PTPRG: variants seen among roughly 807,000 people sequenced by gnomAD.
PTPRG encodes protein tyrosine phosphatase receptor type G.
A neutral mutation model predicts 165.3 loss-of-function variants in PTPRG; 102 were observed. The ratio of observed to expected loss-of-function variants is 0.62; its 90% CI spans 0.53 to 0.73. The LOEUF (loss-of-function observed/expected upper bound fraction) is 0.73. PTPRG is among the 30% of genes least tolerant of loss of function. The probability of loss-of-function intolerance (pLI) is 0.00; values close to 1 mark genes in which losing one functional copy is unlikely to be tolerated. For missense variants in PTPRG, 1,866 were observed against 1,861.4 expected, an observed-to-expected ratio of 1.00 and a Z score of -0.05; for synonymous variants, 675 against 669.5, an observed-to-expected ratio of 1.01 and a Z score of -0.13.
chr3:61,892,440 C>G (rs535492585), intron 2 of PTPRG, among the ~76,000 whole-genome samples: 18 of 152,270 alleles, frequency 1.2e-4, no homozygotes, highest in Admixed American at 7.2e-4. Context: ...ATCTCAAACT[C>G]CTTGGCTCAA....
intron 5 of PTPRG, among the ~76,000 whole-genome samples, chr3:62,090,711 G>C (rs1277790414): frequency 6.6e-6 from 1 of 152,196 alleles, no homozygotes; most frequent in Admixed American, 6.5e-5. Context: ...CAGCGCCTCT[G>C]ATAATTCTGC....
chr3:61,588,583 C>T (rs1433420126), intron 1 of PTPRG, among the ~76,000 whole-genome samples: 1 of 151,832 alleles, frequency 6.6e-6, no homozygotes, highest in East Asian at 1.9e-4. Flanking sequence ...GCAGCTGGGA[C>T]TACAGGCCTG....
chr3:61,827,216 C>T (rs548474384), intron 2 of PTPRG, among the ~76,000 whole-genome samples: 1 of 152,304 alleles, frequency 6.6e-6, no homozygotes, highest in African/African-American at 2.4e-5. Context: ...GCATTTGCAG[C>T]ATGAGCAAGA....
Position 61,853,428 on chromosome 3 carries a change from C to T in PTPRG, c.190+104446C>T, listed in dbSNP as rs777428086. ...GATTGTTTCCTTTGGAACAAGCTCACTCCAATATCATTAGAACGCTGGGGA... is the reference window on the plus strand; with the variant it reads ...GATTGTTTCCTTTGGAACAAGCTCATTCCAATATCATTAGAACGCTGGGGA... On this transcript the variant is annotated intron_variant, in intron 2 of 29. Coordinates refer to ENST00000474889, the MANE Select transcript of PTPRG (RefSeq NM_002841.4). Among the ~76,000 whole-genome samples, 22 of 152,208 alleles carry T rather than the reference C, an allele frequency of 1.4e-4. 1 individual carries two copies. The highest frequency in any genetic ancestry group is 1.5e-5 in the Non-Finnish European group (1 of 68,038).
chr3:61,885,599 A>ATGTT (rs2038005816), intron 2 of PTPRG, among the ~76,000 whole-genome samples: 1 of 146,032 alleles, frequency 6.8e-6, no homozygotes, highest in Admixed American at 7.0e-5. Context: ...GCTATATTGG[A>ATGTT]CAACACAGTT....
At chr3:61,627,505 G>A (rs1307574923) in intron 1 of PTPRG, among the ~76,000 whole-genome samples, 2 of 152,024 alleles carry the variant, frequency 1.3e-5, no homozygotes, top group Non-Finnish European at 2.9e-5. Flanking sequence ...AGTATTTGTG[G>A]GGTAATGAAT....
At chr3:61,793,905 G>C (rs2034967724) in intron 2 of PTPRG, among the ~76,000 whole-genome samples, 1 of 152,112 alleles carries the variant, frequency 6.6e-6, no homozygotes, top group Non-Finnish European at 1.5e-5. Context: ...ACATCTTTTT[G>C]ATTATTAAAT....
intron 5 of PTPRG, among the ~76,000 whole-genome samples, chr3:62,130,962 T>G (rs1170347226): frequency 6.6e-6 from 1 of 152,160 alleles, no homozygotes; most frequent in Non-Finnish European, 1.5e-5. Context: ...TCTGTAATGT[T>G]TACAATGTAG....
intron 1 of PTPRG, among the ~76,000 whole-genome samples, chr3:61,716,362 C>T (rs1443429091): frequency 1.3e-5 from 2 of 152,116 alleles, no homozygotes; most frequent in Non-Finnish European, 2.9e-5. Flanking sequence ...AACTAGGAGA[C>T]AGAAATCAAT....
intron 2 of PTPRG, among the ~76,000 whole-genome samples, chr3:61,796,091 A>G (rs1316551288): frequency 6.6e-6 from 1 of 152,196 alleles, no homozygotes; most frequent in African/African-American, 2.4e-5. Flanking sequence ...ATCCCATTAA[A>G]TTTGATGACC....
chr3:61,747,066 T>C (rs1261195231), intron 1 of PTPRG, among the ~76,000 whole-genome samples: 3 of 152,108 alleles, frequency 2.0e-5, no homozygotes, highest in Non-Finnish European at 4.4e-5. Context: ...AAGGTTGCAG[T>C]GAACCATGAT....
intron 1 of PTPRG, among the ~76,000 whole-genome samples, chr3:61,634,397 C>T (rs552993615): frequency 4.0e-5 from 6 of 151,858 alleles, no homozygotes; most frequent in Non-Finnish European, 8.8e-5. Context: ...ACCACCACGC[C>T]CGGCTAATTT....
At chr3:61,850,001 C>T (rs539579928) in intron 2 of PTPRG, among the ~76,000 whole-genome samples, 1 of 152,058 alleles carries the variant, frequency 6.6e-6, no homozygotes, top group Admixed American at 6.6e-5. Flanking sequence ...ATGTTTCATA[C>T]AAACCTCATT....
chr3:61,936,427 C>CT (rs1259845652), intron 2 of PTPRG, among the ~76,000 whole-genome samples: 3 of 152,148 alleles, frequency 2.0e-5, no homozygotes, highest in African/African-American at 4.8e-5. Context: ...TTATTTGTGA[C>CT]TTTTTTAGCT....
At chr3:61,870,618 T>A (rs2037544023) in intron 2 of PTPRG, among the ~76,000 whole-genome samples, 1 of 147,884 alleles carries the variant, frequency 6.8e-6, no homozygotes, top group Non-Finnish European at 1.5e-5. Context: ...TGAGCTCAGG[T>A]GATCCACCCA....
chr3:61,635,348 A>T (rs930966335), intron 1 of PTPRG, among the ~76,000 whole-genome samples: 7 of 148,040 alleles, frequency 4.7e-5, no homozygotes, highest in African/African-American at 9.8e-5. Flanking sequence ...TATATATATT[A>T]TATATATAAA....
At chr3:62,027,003 A>G (rs936752018) in intron 4 of PTPRG, among the ~76,000 whole-genome samples, 1 of 151,810 alleles carries the variant, frequency 6.6e-6, no homozygotes, top group African/African-American at 2.4e-5. Context: ...AGCAATTATT[A>G]TTGTCTGCTC....
Position 61,724,566 on chromosome 3 carries a change from G to C in PTPRG, c.86-24312G>C, listed in dbSNP as rs186114595. 9.9e-5 allele frequency among the ~76,000 whole-genome samples: 15 copies of C among 152,044 alleles called. No individual in the cohort carries two copies. In the East Asian group the frequency reaches 2.1e-3, roughly 22 times the overall value. On this transcript the variant is annotated intron_variant, in intron 1 of 29. Transcript: ENST00000474889. ...ATATTTAAGTTTTTTTTACTGCCAG[G>C]CTCTTCCAGAGTACCTTTCCCACTC...
intron 28 of PTPRG, among the ~76,000 whole-genome samples, chr3:62,286,098 TG>T (rs1403436083): frequency 5.9e-5 from 9 of 152,308 alleles, no homozygotes; most frequent in Admixed American, 2.0e-4. Context: ...CCAAATCCCC[TG>T]GAGGTCCTCA....
Sources: allele counts gnomAD v4.1 joint callset (sites outside exome capture counted in the v4.1 genomes callset), GRCh38; gene constraint gnomAD v4.1.1; transcripts MANE v1.5; gene names NCBI Gene and HGNC (gene_info 2026-07-23, HGNC 2026-07-21).